The following CDC14A variants were observed in gnomAD, a reference collection of about 807,000 sequenced individuals.
CDC14A encodes the protein cell division cycle 14A.
A neutral mutation model predicts 74.4 loss-of-function variants in CDC14A; 53 were observed. The ratio of observed to expected loss-of-function variants is 0.71; its 90% CI spans 0.57 to 0.89. The LOEUF is 0.89. CDC14A is among the 40% of genes least tolerant of loss of function. The pLI is 0.00. For missense variants in CDC14A, 646 were observed against 713.7 expected (o/e 0.91, Z 1.08); for synonymous variants, 247 against 258.4 (o/e 0.96, Z 0.43).
chr1:100,501,572 A>C (rs1208162369), intron 15 of CDC14A, among the ~76,000 whole-genome samples: 1 of 152,248 alleles, frequency 6.6e-6, no homozygotes, highest in Non-Finnish European at 1.5e-5. Flanking sequence ...ACAGTGCATA[A>C]TATTTGATAA....
At chr1:100,485,290 A>G (rs1201994647) in intron 11 of CDC14A, 1 of 985,354 alleles carries the variant, frequency 1.0e-6, no homozygotes, top group Non-Finnish European at 1.2e-6. Flanking sequence ...TGGGCATTCA[A>G]TTCCTAGTTT....
chr1:100,514,784 A>C (rs2101484694), intron 15 of CDC14A, among the ~76,000 whole-genome samples: 1 of 152,336 alleles, frequency 6.6e-6, no homozygotes, highest in East Asian at 1.9e-4. Flanking sequence ...AGTTCAGAAT[A>C]ATTGATGTGT....
intron 5 of CDC14A, among the ~76,000 whole-genome samples, chr1:100,429,764 A>G (rs980750632): frequency 1.4e-5 from 2 of 147,934 alleles, no homozygotes; most frequent in African/African-American, 2.5e-5. Flanking sequence ...TATTATATAT[A>G]TATCAAGTGT....
chr1:100,367,832 A>T (rs924179589), intron 2 of CDC14A, among the ~76,000 whole-genome samples: 1 of 152,062 alleles, frequency 6.6e-6, no homozygotes, highest in African/African-American at 2.4e-5. Context: ...TTCTACCTTT[A>T]ACCTGAGGCT....
intron 2 of CDC14A, among the ~76,000 whole-genome samples, chr1:100,376,618 A>G (rs1252447611): frequency 6.6e-6 from 1 of 152,202 alleles, no homozygotes; most frequent in Non-Finnish European, 1.5e-5. Flanking sequence ...ACTGGCTCTC[A>G]AGTGGAAGAG....
chr1:100,441,988 G>A (rs1557763650), intron 6 of CDC14A, among the ~76,000 whole-genome samples: 1 of 151,914 alleles, frequency 6.6e-6, no homozygotes, highest in Non-Finnish European at 1.5e-5. Flanking sequence ...ACTTTTAAAT[G>A]TACCTGTGGT....
intron 5 of CDC14A, among the ~76,000 whole-genome samples, chr1:100,431,866 A>G (rs1014239676): frequency 1.3e-5 from 2 of 151,776 alleles, no homozygotes; most frequent in Non-Finnish European, 1.5e-5. Context: ...GAATAGAAAA[A>G]TTACTGGTTA....
At position 100,462,760 on chromosome 1, in the gene CDC14A, C is replaced by A; in HGVS notation, c.717C>A (p.Asp239Glu). The stretch of plus-strand genomic sequence containing the variant: ...TTTATGAGGCAAAGCGCTTCACAGA[C>A]GCTGGCTTCGAGCACTATGACCTCT... ...KKIYEAKRFT[D>E]AGFEHYDLFF... Residue 239 changes from aspartate (D) to glutamate (E), a missense_variant, in exon 9 of 16, where the codon GAC (aspartate) becomes GAA (glutamate). Transcript: ENST00000336454. 1 of 1,614,120 alleles carries A rather than the reference C, an allele frequency of 6.2e-7. No individual in the cohort carries two copies. Among genetic ancestry groups the A allele is most frequent in the Middle Eastern group, 1.6e-4 (1 of 6,062 alleles).
chr1:100,412,772 A>ATATATATATATTTTATATATATATAT (rs1557732866), intron 4 of CDC14A, among the ~76,000 whole-genome samples: 4 of 118,790 alleles, frequency 3.4e-5, no homozygotes, highest in Non-Finnish European at 6.8e-5. Context: ...TATATATTAT[A>ATATATATATATTTTATATATATATAT]TATATATATA....
intron 15 of CDC14A, among the ~76,000 whole-genome samples, chr1:100,516,321 C>T (rs1367862854): frequency 6.6e-6 from 1 of 151,998 alleles, no homozygotes; most frequent in Non-Finnish European, 1.5e-5. Context: ...TATTGATGTA[C>T]ATATGAAATA....
chr1:100,414,493 T>C (rs1198834545), intron 4 of CDC14A, among the ~76,000 whole-genome samples: 3 of 152,236 alleles, frequency 2.0e-5, no homozygotes, highest in Admixed American at 6.5e-5. Context: ...TACAAAGTTA[T>C]GGTTCCTTGC....
chr1:100,455,455 A>T lies in CDC14A; in HGVS notation c.570A>T (p.Ala190=). 6.2e-7 allele frequency: 1 copy of T among 1,601,130 alleles called. No individual in the cohort carries two copies. The highest frequency in any genetic ancestry group is 8.5e-7 in the Non-Finnish European group (1 of 1,176,226). ...GGATTGTTCCAGGAAAATTTTTAGC[A>T]TTTAGTGGACCACATCCTAAAAGCA... The part of the protein sequence containing the change: ...FNWIVPGKFL[A]FSGPHPKSKI... Residue 190 remains alanine, a synonymous_variant, in exon 8 of 16, where the codon GCA becomes GCT. Coordinates refer to ENST00000336454, the MANE Select transcript of CDC14A (RefSeq NM_003672.4).
chr1:100,497,439 C>T (rs182807204), intron 13 of CDC14A, among the ~76,000 whole-genome samples: 29 of 152,140 alleles, frequency 1.9e-4, no homozygotes, highest in Admixed American at 1.9e-3. Flanking sequence ...ATATGCCAAG[C>T]CAAAGAGTTT....
intron 5 of CDC14A, among the ~76,000 whole-genome samples, chr1:100,439,363 A>G (rs1354595144): frequency 6.6e-6 from 1 of 152,266 alleles, no homozygotes; most frequent in South Asian, 2.1e-4. Context: ...TGTCTCTCCT[A>G]TCTTTTAAGC....
At chr1:100,365,769 T>C (rs1404693711) in intron 2 of CDC14A, among the ~76,000 whole-genome samples, 1 of 152,218 alleles carries the variant, frequency 6.6e-6, no homozygotes, top group Non-Finnish European at 1.5e-5. Flanking sequence ...GTATTTGTTA[T>C]GCAGTTAGGA....
chr1:100,349,714 G>A (rs979390979), upstream of CDC14A, among the ~76,000 whole-genome samples: 7 of 152,302 alleles, frequency 4.6e-5, no homozygotes, highest in Admixed American at 4.6e-4. Flanking sequence ...GGAGTGCAGT[G>A]GCATAATCAC....
At chr1:100,427,945 A>C (rs2101089979) in intron 5 of CDC14A, among the ~76,000 whole-genome samples, 2 of 152,344 alleles carry the variant, frequency 1.3e-5, no homozygotes, top group South Asian at 4.1e-4. Context: ...AATGCCTTTC[A>C]TGTTAGGATG....
chr1:100,384,255 A>G (rs1474664542), intron 3 of CDC14A, among the ~76,000 whole-genome samples: 1 of 152,248 alleles, frequency 6.6e-6, no homozygotes, highest in East Asian at 1.9e-4. Flanking sequence ...TTTATGATAT[A>G]CACTTATGAT....
At chr1:100,421,240 C>T (rs1662325604) in intron 4 of CDC14A, among the ~76,000 whole-genome samples, 1 of 152,014 alleles carries the variant, frequency 6.6e-6, no homozygotes, top group Non-Finnish European at 1.5e-5. Flanking sequence ...CCCTTAGGAG[C>T]ACAAGAGAAA....
Sources: allele counts gnomAD v4.1 joint callset (sites outside exome capture counted in the v4.1 genomes callset), GRCh38; gene constraint gnomAD v4.1.1; transcripts MANE v1.5; gene names NCBI Gene and HGNC (gene_info 2026-07-23, HGNC 2026-07-21).